Variants in TINAG observed in about 807,000 individuals in gnomAD.
TINAG encodes tubulointerstitial nephritis antigen.
TINAG carries 83 observed loss-of-function variants against 72.7 expected under a neutral mutation model. The observed-to-expected ratio is 1.14, with a 90% CI of 0.96 to 1.37. The LOEUF is 1.37. Ranked by LOEUF, TINAG falls within the 40% of genes most tolerant of loss-of-function variation. The pLI, the probability that TINAG is intolerant of heterozygous loss-of-function variation, is 0.00. For synonymous variants in TINAG, 234 were observed against 189.9 expected, an observed-to-expected ratio of 1.23 and a Z score of -1.91; for missense variants, 685 against 576.6, an observed-to-expected ratio of 1.19 and a Z score of -1.93.
intron 1 of TINAG, among the ~76,000 whole-genome samples, chr6:54,310,927 C>CTATT (rs1784241311): frequency 6.7e-6 from 1 of 149,228 alleles, no homozygotes; most frequent in South Asian, 2.1e-4. Context: ...CCCACTTTCC[C>CTATT]TCTTTCTTTC....
chr6:54,375,170 C>A (rs1396933952), intron 9 of TINAG, among the ~76,000 whole-genome samples: 3 of 152,114 alleles, frequency 2.0e-5, no homozygotes, highest in African/African-American at 7.2e-5. Flanking sequence ...GGAATCCAAT[C>A]CCTAAGCAAA....
chr6:54,332,156 C>A (rs546084778), intron 4 of TINAG, among the ~76,000 whole-genome samples: 45 of 152,066 alleles, frequency 3.0e-4, no homozygotes, highest in Non-Finnish European at 6.3e-4. Context: ...TCCCATATAG[C>A]CAAGACAATC....
At chr6:54,349,678 C>A in intron 6 of TINAG, 38 bp from the exon 7 acceptor site, 1 of 1,479,034 alleles carries the variant, frequency 6.8e-7, no homozygotes, top group Non-Finnish European at 9.1e-7. Flanking sequence ...CGACATTCTC[C>A]TAAATATTAC....
At chr6:54,327,075 A>G (rs1784621716) in intron 4 of TINAG, 159 bp downstream of exon 4, 5 of 1,546,656 alleles carry the variant, frequency 3.2e-6, no homozygotes, top group Non-Finnish European at 4.4e-6. Flanking sequence ...TGGTTGTTAA[A>G]CCCCTCAAAA....
intron 6 of TINAG, 64 bp downstream of exon 6, chr6:54,347,581 G>A: frequency 6.5e-7 from 1 of 1,530,384 alleles, no homozygotes. Context: ...TTAGAACAAG[G>A]AAAATAATCC....
At chr6:54,342,090 C>T (rs6905031) in intron 4 of TINAG, among the ~76,000 whole-genome samples, 116,558 of 151,986 alleles carry the variant, frequency 0.77, 45,263 homozygotes, top group African/African-American at 0.87. Context: ...TGTGAGAACA[C>T]ATATACACAA....
At chr6:54,311,681 C>T (rs1784261484) in intron 1 of TINAG, among the ~76,000 whole-genome samples, 1 of 152,170 alleles carries the variant, frequency 6.6e-6, no homozygotes, top group African/African-American at 2.4e-5. Context: ...CTGTGACTTA[C>T]TTTTTCCTAT....
chr6:54,345,707 T>A (rs1473251012), intron 5 of TINAG, among the ~76,000 whole-genome samples: 2 of 152,026 alleles, frequency 1.3e-5, no homozygotes, highest in African/African-American at 2.4e-5. Context: ...GTGAAATATA[T>A]CCTAGTGCAA....
At chr6:54,367,617 C>T (rs184048184) in intron 9 of TINAG, among the ~76,000 whole-genome samples, 25 of 151,746 alleles carry the variant, frequency 1.6e-4, no homozygotes, top group African/African-American at 5.5e-4. Context: ...TAAAGGCGAA[C>T]GTGTTAATTA....
At chr6:54,309,387 C>T (rs577174954) in intron 1 of TINAG, among the ~76,000 whole-genome samples, 14 of 152,238 alleles carry the variant, frequency 9.2e-5, no homozygotes, top group Admixed American at 5.9e-4. Flanking sequence ...GCTATTAAAA[C>T]CAGGACAAAA....
intron 8 of TINAG, 100 bp from the exon 9 acceptor site, chr6:54,354,413 C>G: frequency 9.2e-7 from 1 of 1,092,858 alleles, no homozygotes; most frequent in South Asian, 1.6e-5. Flanking sequence ...AGATTCATCT[C>G]CTTGCAATTT....
intron 4 of TINAG, among the ~76,000 whole-genome samples, chr6:54,336,481 A>G (rs1422214312): frequency 6.6e-6 from 1 of 152,160 alleles, no homozygotes; most frequent in Non-Finnish European, 1.5e-5. Flanking sequence ...AATCAAATCA[A>G]CTTTGTACCT....
chr6:54,354,441 T>G, intron 8 of TINAG, 72 bp from the exon 9 acceptor site: 2 of 1,421,334 alleles, frequency 1.4e-6, no homozygotes, highest in Non-Finnish European at 1.9e-6. Flanking sequence ...GGTTGTTCCG[T>G]GAAATTTTCT....
intron 1 of TINAG, among the ~76,000 whole-genome samples, chr6:54,311,637 T>C (rs1428870597): frequency 6.6e-6 from 1 of 152,206 alleles, no homozygotes; most frequent in Non-Finnish European, 1.5e-5. Context: ...TGAGCTTCTC[T>C]TCATATGCTC....
At chr6:54,343,814 G>T (rs908052795) in intron 5 of TINAG, among the ~76,000 whole-genome samples, 84 of 151,990 alleles carry the variant, frequency 5.5e-4, no homozygotes, top group African/African-American at 2.0e-3. Context: ...TGGATCAAAT[G>T]GATTTTATTT....
At chr6:54,378,362 C>T (rs961810716) in intron 9 of TINAG, among the ~76,000 whole-genome samples, 13 of 152,062 alleles carry the variant, frequency 8.5e-5, no homozygotes, top group Non-Finnish European at 1.5e-4. Flanking sequence ...AAGCATGTAA[C>T]AATCCGAATG....
At position 54,390,039 on chromosome 6, in the gene TINAG, AATCT is replaced by A. The variant is rs1764205111; in HGVS notation, c.*121_*124del. 7 of 1,402,694 alleles carry A rather than the reference AATCT, an allele frequency of 5.0e-6. No individual in the cohort carries two copies. The highest frequency in any genetic ancestry group is 4.0e-5 in the South Asian group (3 of 75,642). 86.9% of individuals were successfully genotyped at this position (1,402,694 alleles called of 1,614,324 possible). On this transcript the variant is annotated 3_prime_UTR_variant, in exon 11 of 11. Transcript: ENST00000259782. Reference sequence around the variant, plus strand: ...CTTTGTCTCTTCACCGTGTTAACATAATCTATCTATTTTCTTATTTTCCCCTCTG... The same window carrying A: ...CTTTGTCTCTTCACCGTGTTAACATAATCTATTTTCTTATTTTCCCCTCTG...
Position 54,347,366 on chromosome 6 carries a change from G to A in TINAG, c.749-1G>A, listed in dbSNP as rs758939771. On this transcript the variant is annotated splice_acceptor_variant, in intron 5 of 10. Transcript: ENST00000259782. LOFTEE classifies it high-confidence loss of function. ...ATTAATTGATATTCTATTTGAAACA[G>A]GTGTGGCTGCTGACCGAATAGCAAT... 6.2e-7 allele frequency: 1 copy of A among 1,612,204 alleles called. No homozygotes were observed. Among genetic ancestry groups the A allele is most frequent in the Non-Finnish European group, 8.5e-7 (1 of 1,179,072 alleles).
chr6:54,327,124 G>A (rs1784622983), intron 4 of TINAG: 1 of 1,549,116 alleles, frequency 6.5e-7, no homozygotes, highest in African/African-American at 1.4e-5. Context: ...TTACCAATTA[G>A]ACATAGTCTC....
Sources: gnomAD v4.1 joint callset for allele counts (sites outside exome capture counted in the v4.1 genomes callset) on GRCh38, gnomAD v4.1.1 for gene constraint, MANE v1.5 for transcripts, NCBI Gene and HGNC (gene_info 2026-07-23, HGNC 2026-07-21) for gene names.